Variants in CEP128 observed in about 807,000 individuals in gnomAD.
CEP128 encodes the protein centrosomal protein 128, also known as centrosomal protein 128kDa.
A neutral mutation model predicts 156.7 loss-of-function variants in CEP128; 132 were observed. The observed-to-expected ratio is 0.84, with a 90% CI of 0.73 to 0.97. The LOEUF (loss-of-function observed/expected upper bound fraction) is 0.97, where lower values mean the gene tolerates loss of function less well. Ranked by LOEUF, CEP128 falls within the 50% of genes least tolerant of loss-of-function variation. CEP128 has a pLI of 0.00. For synonymous variants in CEP128, 469 were observed against 448.9 expected (o/e 1.04, Z -0.57); for missense variants, 1,252 against 1,281.9 (o/e 0.98, Z 0.36).
chr14:80,716,139 G>C (rs1346731258), intron 19 of CEP128, among the ~76,000 whole-genome samples: 1 of 152,070 alleles, frequency 6.6e-6, no homozygotes, highest in African/African-American at 2.4e-5. Context: ...TAAGTTGATA[G>C]GATTATTCAA....
chr14:80,548,499 T>G (rs1375274238), intron 21 of CEP128, among the ~76,000 whole-genome samples: 1 of 152,166 alleles, frequency 6.6e-6, no homozygotes, highest in East Asian at 1.9e-4. Flanking sequence ...TCAAATATAC[T>G]ATCATTACTC....
chr14:80,559,394 T>G, intron 20 of CEP128, 92 bp from the exon 21 acceptor site: 1 of 958,894 alleles, frequency 1.0e-6, no homozygotes, highest in South Asian at 1.7e-5. Context: ...ATTTACCATC[T>G]ATTATTAATA....
At chr14:80,681,705 C>T (rs376383687) in intron 19 of CEP128, among the ~76,000 whole-genome samples, 17 of 152,268 alleles carry the variant, frequency 1.1e-4, no homozygotes, top group South Asian at 4.1e-4. Context: ...CTTTGCCTTC[C>T]GCCGTGATTG....
chr14:80,886,698 A>G (rs1420815953), intron 8 of CEP128, among the ~76,000 whole-genome samples: 1 of 152,254 alleles, frequency 6.6e-6, no homozygotes, highest in Non-Finnish European at 1.5e-5. Flanking sequence ...AAGACCATTG[A>G]CAATAGGAAG....
At chr14:80,804,592 A>G (rs1884065196) in intron 13 of CEP128, among the ~76,000 whole-genome samples, 1 of 152,182 alleles carries the variant, frequency 6.6e-6, no homozygotes, top group Non-Finnish European at 1.5e-5. Flanking sequence ...TAAACGCTGC[A>G]TCTAAATGGG....
At chr14:80,619,137 G>A (rs1336066132) in intron 19 of CEP128, among the ~76,000 whole-genome samples, 1 of 151,982 alleles carries the variant, frequency 6.6e-6, no homozygotes, top group South Asian at 2.1e-4. Flanking sequence ...ATTCCTCTGA[G>A]GCATATGGAA....
Position 80,733,047 on chromosome 14 carries a change from G to A in CEP128, c.2806+10028C>T, listed in dbSNP as rs954403754. ...AGATTAACATTTGAATCAGTAGACCGAAAAAAAGCATATTGCCTCCACAAT... is the reference window on the plus strand; with the variant it reads ...AGATTAACATTTGAATCAGTAGACCAAAAAAAAGCATATTGCCTCCACAAT... On this transcript the variant is annotated intron_variant, in intron 19 of 24. Coordinates refer to ENST00000555265, the MANE Select transcript of CEP128 (RefSeq NM_152446.5). Among the ~76,000 whole-genome samples, 10 of 152,046 alleles carry A rather than the reference G, an allele frequency of 6.6e-5. 1 individual carries two copies. In the South Asian group the frequency reaches 8.3e-4, roughly 13 times the overall value.
At chr14:80,778,088 T>C (rs1275992813) in intron 15 of CEP128, 42 bp from the exon 16 acceptor site, 3 of 1,542,762 alleles carry the variant, frequency 1.9e-6, no homozygotes, top group African/African-American at 1.4e-5. Context: ...CCACTAGCCA[T>C]AGCCAAAATA....
chr14:80,762,482 T>A (rs1295447013), intron 16 of CEP128, among the ~76,000 whole-genome samples: 1 of 151,872 alleles, frequency 6.6e-6, no homozygotes, highest in African/African-American at 2.4e-5. Flanking sequence ...AAACCCAACC[T>A]GAACTGAAAA....
intron 15 of CEP128, among the ~76,000 whole-genome samples, chr14:80,780,261 G>T (rs1173722671): frequency 6.6e-6 from 1 of 152,122 alleles, no homozygotes; most frequent in Non-Finnish European, 1.5e-5. Flanking sequence ...AGAGCTACTT[G>T]TCTAAAACTC....
intron 19 of CEP128, among the ~76,000 whole-genome samples, chr14:80,730,905 G>A (rs1898242648): frequency 6.6e-6 from 1 of 152,094 alleles, no homozygotes; most frequent in Non-Finnish European, 1.5e-5. Flanking sequence ...GAGGCTTGAT[G>A]TTCCTGTGAG....
intron 10 of CEP128, among the ~76,000 whole-genome samples, chr14:80,840,428 A>T (rs1886295106): frequency 6.6e-6 from 1 of 152,190 alleles, no homozygotes; most frequent in African/African-American, 2.4e-5. Flanking sequence ...GTTTCCAACA[A>T]GAAAAAGTAA....
chr14:80,641,958 C>T (rs1291504091), intron 19 of CEP128, among the ~76,000 whole-genome samples: 2 of 151,752 alleles, frequency 1.3e-5, no homozygotes, highest in African/African-American at 2.4e-5. Flanking sequence ...GGCGTGGTGG[C>T]GGGCACCTGT....
downstream of CEP128, among the ~76,000 whole-genome samples, chr14:80,495,017 G>T (rs186341927): frequency 1.8e-4 from 27 of 152,116 alleles, no homozygotes; most frequent in African/African-American, 6.5e-4. Context: ...CAACTTCAAC[G>T]GAAGTTTAGT....
At chr14:80,727,667 T>C (rs1273596278) in intron 19 of CEP128, among the ~76,000 whole-genome samples, 2 of 151,882 alleles carry the variant, frequency 1.3e-5, no homozygotes, top group African/African-American at 4.8e-5. Context: ...GGAACTTAAA[T>C]CAACAAGCAA....
chr14:80,513,007 C>A (rs529659382), intron 23 of CEP128, among the ~76,000 whole-genome samples: 1 of 152,178 alleles, frequency 6.6e-6, no homozygotes, highest in South Asian at 2.1e-4. Context: ...GTACTTTATA[C>A]ACTGTAATTG....
At chr14:80,730,154 T>C (rs1366063882) in intron 19 of CEP128, among the ~76,000 whole-genome samples, 2 of 152,174 alleles carry the variant, frequency 1.3e-5, no homozygotes, top group African/African-American at 4.8e-5. Context: ...GAAAATTAAT[T>C]TCTGTATTTG....
intron 19 of CEP128, among the ~76,000 whole-genome samples, chr14:80,682,687 C>G (rs1472551733): frequency 6.6e-6 from 1 of 152,108 alleles, no homozygotes. Context: ...TTAAAGGCAG[C>G]TAGAGCAAAA....
chr14:80,626,227 G>T (rs1277639957), intron 19 of CEP128, among the ~76,000 whole-genome samples: 1 of 152,020 alleles, frequency 6.6e-6, no homozygotes, highest in East Asian at 1.9e-4. Context: ...CACTTTGGGA[G>T]GCCGAGGCGG....
Sources: allele counts gnomAD v4.1 joint callset (sites outside exome capture counted in the v4.1 genomes callset), GRCh38; gene constraint gnomAD v4.1.1; transcripts MANE v1.5; gene names NCBI Gene and HGNC (gene_info 2026-07-23, HGNC 2026-07-21).